Variants in MDGA2 observed in about 807,000 individuals in gnomAD.
The protein encoded by MDGA2 is MAM domain containing glycosylphosphatidylinositol anchor 2.
In MDGA2, 40 loss-of-function variants were observed where a neutral mutation model predicts 117.8. The ratio of observed to expected loss-of-function variants is 0.34; its 90% CI spans 0.26 to 0.44. The LOEUF is 0.44. Among genes scored for constraint, MDGA2 ranks in the 20% least tolerant of loss-of-function variants. The pLI, the probability that MDGA2 is intolerant of heterozygous loss-of-function variation, is 1.00. For missense variants in MDGA2, 1,123 were observed against 1,250.6 expected (o/e 0.90, Z 1.54); for synonymous variants, 452 against 439.0 (o/e 1.03, Z -0.37).
At chr14:46,918,384 G>A (rs994287851) in intron 10 of MDGA2, among the ~76,000 whole-genome samples, 1 of 152,052 alleles carries the variant, frequency 6.6e-6, no homozygotes, top group Non-Finnish European at 1.5e-5. Context: ...AAATATGAAA[G>A]GTTATAAAAT....
At chr14:47,111,574 C>T (rs1035243791) in intron 5 of MDGA2, among the ~76,000 whole-genome samples, 7 of 152,048 alleles carry the variant, frequency 4.6e-5, no homozygotes, top group African/African-American at 1.2e-4. Context: ...CTGAAGTGTC[C>T]GTGGAAGAGG....
At chr14:47,060,172 C>A (rs896392584) in intron 7 of MDGA2, among the ~76,000 whole-genome samples, 1 of 151,972 alleles carries the variant, frequency 6.6e-6, no homozygotes, top group Non-Finnish European at 1.5e-5. Context: ...CTTTTCATCA[C>A]CCTAATTTCC....
intron 1 of MDGA2, among the ~76,000 whole-genome samples, chr14:47,477,018 C>T (rs1047856422): frequency 4.0e-5 from 6 of 151,888 alleles, no homozygotes; most frequent in Non-Finnish European, 7.4e-5. Flanking sequence ...AAAAATTTGC[C>T]GAGCGTGGTG....
intron 10 of MDGA2, among the ~76,000 whole-genome samples, chr14:46,913,534 C>CA (rs1883785597): frequency 6.6e-6 from 1 of 152,140 alleles, no homozygotes; most frequent in African/African-American, 2.4e-5. Context: ...AGCAATAGCT[C>CA]AACCATTATA....
At chr14:47,224,484 A>T (rs1289204195) in intron 2 of MDGA2, among the ~76,000 whole-genome samples, 1 of 152,058 alleles carries the variant, frequency 6.6e-6, no homozygotes, top group Non-Finnish European at 1.5e-5. Flanking sequence ...AAATACTTTG[A>T]CCTGAGACTT....
chr14:47,146,486 C>A (rs1030880508), intron 3 of MDGA2, among the ~76,000 whole-genome samples: 3 of 152,108 alleles, frequency 2.0e-5, no homozygotes, highest in Admixed American at 2.0e-4. Context: ...GCATCATTAT[C>A]ATAAAATGTT....
chr14:47,386,594 A>G (rs993937633), intron 1 of MDGA2, among the ~76,000 whole-genome samples: 1 of 152,222 alleles, frequency 6.6e-6, no homozygotes, highest in Non-Finnish European at 1.5e-5. Context: ...GTTAAGAAGA[A>G]GAGTGAAAAC....
At chr14:47,041,546 A>AC (rs1566588590) in intron 7 of MDGA2, among the ~76,000 whole-genome samples, 1 of 151,902 alleles carries the variant, frequency 6.6e-6, no homozygotes, top group Non-Finnish European at 1.5e-5. Context: ...AGCCCTTGAT[A>AC]TTTTTTTGCC....
intron 1 of MDGA2, among the ~76,000 whole-genome samples, chr14:47,306,464 G>A (rs1445897147): frequency 6.6e-6 from 1 of 152,066 alleles, no homozygotes; most frequent in East Asian, 1.9e-4. Context: ...GATGCTTCCT[G>A]AAAAACGTGC....
At chr14:46,895,016 G>A (rs1042998430) in intron 10 of MDGA2, among the ~76,000 whole-genome samples, 1 of 152,154 alleles carries the variant, frequency 6.6e-6, no homozygotes, top group African/African-American at 2.4e-5. Context: ...TCTTCATCAG[G>A]TAGGTTTTCT....
chr14:46,863,401 T>C (rs2138328761), intron 14 of MDGA2, among the ~76,000 whole-genome samples: 1 of 152,294 alleles, frequency 6.6e-6, no homozygotes, highest in East Asian at 1.9e-4. Context: ...TCATTTATTC[T>C]CTATAGAATT....
chr14:47,531,905 A>G (rs1353004901), intron 1 of MDGA2, among the ~76,000 whole-genome samples: 1 of 152,236 alleles, frequency 6.6e-6, no homozygotes, highest in African/African-American at 2.4e-5. Context: ...AGGGAGAAAG[A>G]TTCTGAAAAT....
intron 2 of MDGA2, among the ~76,000 whole-genome samples, chr14:47,285,328 T>C (rs73238716): frequency 3.3e-5 from 5 of 151,028 alleles, no homozygotes; most frequent in South Asian, 2.1e-4. Flanking sequence ...TTCTACTAAA[T>C]TGATTTTTTT....
intron 1 of MDGA2, among the ~76,000 whole-genome samples, chr14:47,519,059 C>T (rs983974069): frequency 9.2e-5 from 14 of 151,822 alleles, no homozygotes; most frequent in Non-Finnish European, 1.8e-4. Flanking sequence ...CAAAAATTGG[C>T]CAGGAGTGGT....
intron 1 of MDGA2, among the ~76,000 whole-genome samples, chr14:47,400,417 CCTTATA>C (rs1300044490): frequency 2.0e-5 from 3 of 152,056 alleles, no homozygotes; most frequent in Non-Finnish European, 2.9e-5. Flanking sequence ...CTCTCTATCC[CCTTATA>C]CTTAGGCATT....
intron 15 of MDGA2, among the ~76,000 whole-genome samples, chr14:46,847,843 C>T (rs3007130): frequency 1 from 151,889 of 152,104 alleles, 75,837 homozygotes; most frequent in Middle Eastern, 1. Flanking sequence ...TTCTTTAAAG[C>T]CTTTACAAAT....
At chr14:47,444,400 C>A in intron 1 of MDGA2, 1 of 186,088 alleles carries the variant, frequency 5.4e-6, no homozygotes, top group East Asian at 1.3e-4. Context: ...GATGATGGCT[C>A]TGGAGCACGG....
At chr14:46,888,639 T>C (rs1001282038) in intron 10 of MDGA2, among the ~76,000 whole-genome samples, 6 of 151,722 alleles carry the variant, frequency 4.0e-5, no homozygotes, top group African/African-American at 1.5e-4. Context: ...AGAAACAAAA[T>C]TGACTAACTT....
chr14:47,421,839 G>T (rs1349244583), intron 1 of MDGA2, among the ~76,000 whole-genome samples: 2 of 151,960 alleles, frequency 1.3e-5, no homozygotes, highest in Non-Finnish European at 2.9e-5. Flanking sequence ...AAAAATACAA[G>T]AATGCATTCT....
Sources: gnomAD v4.1 joint callset for allele counts (sites outside exome capture counted in the v4.1 genomes callset) on GRCh38, gnomAD v4.1.1 for gene constraint, MANE v1.5 for transcripts, NCBI Gene and HGNC (gene_info 2026-07-23, HGNC 2026-07-21) for gene names.